Variants in MCM3AP observed in about 807,000 individuals in gnomAD.
The protein encoded by MCM3AP is minichromosome maintenance complex component 3 associated protein, also known as germinal-center associated nuclear protein.
A neutral mutation model predicts 184.1 loss-of-function variants in MCM3AP; 126 were observed. The ratio of observed to expected loss-of-function variants is 0.68; its 90% confidence interval spans 0.59 to 0.79. The LOEUF (loss-of-function observed/expected upper bound fraction) is 0.79, where lower values mean the gene tolerates loss of function less well. Among genes scored for constraint, MCM3AP ranks in the 30% least tolerant of loss-of-function variants. The pLI is 0.00. For synonymous variants in MCM3AP, 1,002 were observed against 979.3 expected (o/e 1.02, Z -0.43); for missense variants, 2,496 against 2,479.2 (o/e 1.01, Z -0.14).
chr21:46,257,084 T>C, intron 16 of MCM3AP, 98 bp from the exon 17 acceptor site: 5 of 1,479,586 alleles, frequency 3.4e-6, no homozygotes, highest in Non-Finnish European at 4.5e-6. Context: ...AGGAAGGACA[T>C]CAAATGAGTG....
Position 46,284,709 on chromosome 21 carries a change from G to C in MCM3AP, c.578C>G (p.Ser193Cys), listed in dbSNP as rs538099072. The change falls in exon 1 of 28, where the codon TCT (serine) becomes TGT (cysteine). Residue 193 changes from serine (S) to cysteine (C), a missense_variant. By Grantham distance (112) the Ser-to-Cys change is moderately radical. Coordinates refer to ENST00000291688, the MANE Select transcript of MCM3AP (RefSeq NM_003906.5). ...SSAPGGLAPF[S>C]FPQVTSSSAT... ...TGAACTACTTGTTACTTGAGGAAAA[G>C]AGAAAGGGGCCAGGCCTCCAGGTGC... 15 of 1,614,128 alleles carry C rather than the reference G, an allele frequency of 9.3e-6. No individual in the cohort carries two copies. The African/African-American group carries it at 1.9e-4, about 20-fold the overall frequency.
intron 13 of MCM3AP, 139 bp from the exon 14 acceptor site, chr21:46,261,550 C>G (rs897105216): frequency 1.1e-5 from 8 of 710,362 alleles, no homozygotes; most frequent in Admixed American, 9.7e-5. Context: ...CTGGCCAACA[C>G]AGTGAAACCC....
chr21:46,261,562 A>G (rs572637212), intron 13 of MCM3AP, 151 bp from the exon 14 acceptor site: 94 of 665,606 alleles, frequency 1.4e-4, no homozygotes, highest in Middle Eastern at 4.5e-4. Flanking sequence ...GTGAAACCCC[A>G]TCTCTACTAA....
At position 46,246,258 on chromosome 21, in the gene MCM3AP, G is replaced by A. The variant is rs1451458313; in HGVS notation, c.4647+49C>T. On this transcript the variant is annotated intron_variant, in intron 22 of 27. Transcript: ENST00000291688. ...ACTCAATTCAAGATACAGCAAAAGG[G>A]GAAAAAACAAAATATCTTGACAGAC... 3 of 1,219,826 alleles carry A rather than the reference G, an allele frequency of 2.5e-6. No homozygotes were observed. The African/African-American group carries it at 4.5e-5, about 18-fold the overall frequency. The allele number at this position is 1,219,826 out of a possible 1,614,324, so 75.6% of individuals were successfully genotyped here.
intron 20 of MCM3AP, 198 bp downstream of exon 20, chr21:46,251,331 T>G (rs2080864177): frequency 2.3e-6 from 1 of 429,086 alleles, no homozygotes; most frequent in Non-Finnish European, 4.1e-6. Flanking sequence ...CTGGGCTTGG[T>G]GCCCACTACT....
At chr21:46,282,986 C>G (rs2081352297) in intron 2 of MCM3AP, among the ~76,000 whole-genome samples, 1 of 151,536 alleles carries the variant, frequency 6.6e-6, no homozygotes, top group South Asian at 2.1e-4. Context: ...AGTGCAGTGG[C>G]ACGAACTCGG....
In MCM3AP at chr21:46,256,924, G is replaced by A. The variant is rs370439179; in HGVS notation, c.3797C>T (p.Ala1266Val). Residue 1266 changes from alanine to valine, a missense_variant, in exon 17 of 28, where the codon GCG becomes GTG. Ala to Val is a moderately conservative substitution (Grantham distance 64). This residue lies in a region of MCM3AP where 1,323 missense variants were observed against 1,273.4 expected (regional missense o/e 1.04). Coordinates refer to ENST00000291688, the MANE Select transcript of MCM3AP (RefSeq NM_003906.5). ...LRRQMRAFPA[A>V]PCCVDVSDRL... Reference sequence around the variant, plus strand: ...GTCGCTCACGTCCACGCAGCAGGGCGCAGCAGGGAAAGCCCGCATTTGGCG... The same window carrying A: ...GTCGCTCACGTCCACGCAGCAGGGCACAGCAGGGAAAGCCCGCATTTGGCG... 24 of 1,611,720 alleles carry A rather than the reference G, an allele frequency of 1.5e-5. No homozygotes were observed. The highest frequency in any genetic ancestry group is 2.2e-5 in the East Asian group (1 of 44,812).
At position 46,254,469 on chromosome 21, in the gene MCM3AP, C is replaced by T; in HGVS notation, c.4059G>A (p.Gly1353=). The T allele has an allele frequency of 1.2e-6, 2 of 1,614,134 alleles. No homozygotes were observed. The highest frequency in any genetic ancestry group is 1.7e-6 in the Non-Finnish European group (2 of 1,180,014). Reference sequence around the variant, plus strand: ...GCTTCCAAAACACATGCTCCTGCCTCCCAGGGAGGTGCTCAGCCACGAGGG... The same window carrying T: ...GCTTCCAAAACACATGCTCCTGCCTTCCAGGGAGGTGCTCAGCCACGAGGG... ...LPSLVAEHLP[G]RQEHVFWKLV... The change falls in exon 19 of 28, where the codon GGG becomes GGA. Residue 1353 remains glycine (G), a synonymous_variant. Transcript: ENST00000291688.
intron 4 of MCM3AP, 104 bp from the exon 5 acceptor site, chr21:46,277,821 T>A: frequency 1.6e-6 from 1 of 609,730 alleles, no homozygotes; most frequent in Non-Finnish European, 2.7e-6. Flanking sequence ...TCTGGTCCTC[T>A]AAAGCTGAGA....
intron 26 of MCM3AP, among the ~76,000 whole-genome samples, chr21:46,240,489 C>T (rs532108174): frequency 6.6e-6 from 1 of 152,276 alleles, no homozygotes; most frequent in African/African-American, 2.4e-5. Context: ...GGCAGGGTGC[C>T]TGTGGCCAGC....
chr21:46,275,972 C>T lies in MCM3AP; in HGVS notation c.1859-647G>A, dbSNP rs188327156. Among the ~76,000 whole-genome samples, 4 of 152,260 alleles carry T rather than the reference C, an allele frequency of 2.6e-5. No individual in the cohort carries two copies. The East Asian group carries it at 7.7e-4, about 29-fold the overall frequency. On this transcript the variant is annotated intron_variant, in intron 5 of 27. Coordinates refer to ENST00000291688, the MANE Select transcript of MCM3AP (RefSeq NM_003906.5). Reference sequence around the variant, plus strand: ...ATGTTGAAAAATTCTAATACCTGGGCCCGGCCTGGTGGCTCACGCCTGTAA... The same window carrying T: ...ATGTTGAAAAATTCTAATACCTGGGTCCGGCCTGGTGGCTCACGCCTGTAA...
At chr21:46,270,018 C>G (rs1011430684) in intron 9 of MCM3AP, among the ~76,000 whole-genome samples, 18 of 152,248 alleles carry the variant, frequency 1.2e-4, no homozygotes, top group African/African-American at 4.1e-4. Context: ...TTAGCGCCAT[C>G]AGCCTCACTC....
intron 9 of MCM3AP, among the ~76,000 whole-genome samples, chr21:46,269,170 G>A (rs1412027775): frequency 1.3e-5 from 2 of 152,000 alleles, no homozygotes; most frequent in African/African-American, 2.4e-5. Context: ...CCAGGCTGGA[G>A]AGTGCAGATC....
In MCM3AP at chr21:46,280,043, A is replaced by G. The variant is rs2081311402; in HGVS notation, c.1617T>C (p.Pro539=). Residue 539 remains proline (P), a synonymous_variant, in exon 4 of 28, where the codon CCT becomes CCC. Transcript: ENST00000291688. ...STEDAPFQHS[P]LGKAAGRTGA... is the part of the protein sequence containing the mutation. ...CAGTCCTCCCTGCGGCCTTGCCAAG[A>G]GGAGAGTGCTGAAAGGGTGCATCCT... 1 of 1,614,142 alleles carries G rather than the reference A, an allele frequency of 6.2e-7. No homozygotes were observed. The highest frequency in any genetic ancestry group is 1.1e-5 in the South Asian group (1 of 91,076).
chr21:46,282,030 C>A (rs995460171), intron 2 of MCM3AP, among the ~76,000 whole-genome samples: 20 of 151,996 alleles, frequency 1.3e-4, no homozygotes, highest in Non-Finnish European at 2.4e-4. Flanking sequence ...AGAGCCGGTA[C>A]AATGACTCAG....
At chr21:46,241,121 AC>A (rs1296328822) in intron 25 of MCM3AP, 104 bp from the exon 26 acceptor site, 8 of 843,744 alleles carry the variant, frequency 9.5e-6, no homozygotes, top group Middle Eastern at 2.9e-4. Flanking sequence ...ACATGTAAGA[AC>A]ATGTGCCTCA....
chr21:46,280,203 C>G, intron 3 of MCM3AP, 66 bp from the exon 4 acceptor site: 1 of 1,502,736 alleles, frequency 6.7e-7, no homozygotes, highest in South Asian at 1.1e-5. Flanking sequence ...GATTTTTTCA[C>G]TCTGTTTCTA....
rs996120442 is a variant in MCM3AP, at chr21:46,260,048, T to C, written c.3581+745A>G. On this transcript the variant is annotated intron_variant, in intron 15 of 27. Coordinates refer to ENST00000291688, the MANE Select transcript of MCM3AP (RefSeq NM_003906.5). The stretch of plus-strand genomic sequence containing the variant: ...CCCAGATCACGCCACTGCACTCCAG[T>C]GTGGGCGACAGAGCAAGACTCCGTC... Among the ~76,000 whole-genome samples the C allele has an allele frequency of 4.0e-5, 6 of 151,112 alleles. No individual in the cohort carries two copies. In the East Asian group the frequency reaches 7.8e-4, roughly 20 times the overall value.
chr21:46,264,312 G>A (rs928513469), intron 12 of MCM3AP, 95 bp from the exon 13 acceptor site: 32 of 747,516 alleles, frequency 4.3e-5, no homozygotes, highest in African/African-American at 1.2e-4. Flanking sequence ...CAGGCGTCTC[G>A]TGACAGAAGC....
Sources: gnomAD v4.1 joint callset for allele counts (sites outside exome capture counted in the v4.1 genomes callset) on GRCh38, gnomAD v4.1.1 for gene constraint, gnomAD v4.1.1 regional missense constraint, MANE v1.5 for transcripts, NCBI Gene and HGNC (gene_info 2026-07-23, HGNC 2026-07-21) for gene names.